LTBP1: variants seen among roughly 807,000 people sequenced by gnomAD.
The protein encoded by LTBP1 is latent transforming growth factor beta binding protein 1.
LTBP1 carries 129 observed loss-of-function variants against 207.6 expected under a neutral mutation model. The ratio of observed to expected loss-of-function variants is 0.62; its 90% confidence interval spans 0.54 to 0.72. The LOEUF (loss-of-function observed/expected upper bound fraction) is 0.72. Ranked by LOEUF, LTBP1 falls within the 30% of genes least tolerant of loss-of-function variation. The pLI is 0.00. For synonymous variants in LTBP1, 963 were observed against 833.7 expected (o/e 1.16, Z -2.67); for missense variants, 2,281 against 2,217.2 (o/e 1.03, Z -0.58).
Position 33,263,361 on chromosome 2 carries a change from C to T in LTBP1, c.2586C>T (p.Ala862=), listed in dbSNP as rs761544329. ...CTCCTGAAGCTTCTACGTCTAGTGC[C>T]AGCCAAGTGATTGCTCCTACTCAAG... is the stretch of plus-strand genomic sequence containing the variant. ...EVAPEASTSS[A]SQVIAPTQVT... is the part of the protein sequence containing the mutation. Residue 862 remains alanine (A), a synonymous_variant, in exon 15 of 34, where the codon GCC becomes GCT. Coordinates refer to ENST00000404816, the MANE Select transcript of LTBP1 (RefSeq NM_206943.4). 1.2e-6 allele frequency: 2 copies of T among 1,613,876 alleles called. No homozygotes were observed. Among genetic ancestry groups the T allele is most frequent in the Non-Finnish European group, 1.7e-6 (2 of 1,179,904 alleles).
At chr2:33,066,797 T>C (rs2077531263) in intron 3 of LTBP1, among the ~76,000 whole-genome samples, 3 of 152,204 alleles carry the variant, frequency 2.0e-5, no homozygotes. Flanking sequence ...GTGACTCCTT[T>C]GTTATCCAAG....
chr2:33,021,166 C>G lies in LTBP1; in HGVS notation c.823C>G (p.Pro275Ala). Residue 275 changes from proline to alanine, a missense_variant, in exon 3 of 34, where the codon CCG becomes GCG. Transcript: ENST00000404816. ...GGCCCAGATGACCTTAACCCTCAAG[C>G]CGAAGCCTTCAGTGGGACTCCCCCA... Reference protein sequence around the residue: ...PVAQMTLTLKPKPSVGLPQQI... With the variant: ...PVAQMTLTLKAKPSVGLPQQI... 6.2e-7 allele frequency: 1 copy of G among 1,609,456 alleles called. No homozygotes were observed. Among genetic ancestry groups the G allele is most frequent in the Non-Finnish European group, 8.5e-7 (1 of 1,176,960 alleles).
At position 33,243,782 on chromosome 2, in the gene LTBP1, T is replaced by C. The variant is rs1400754821; in HGVS notation, c.1997T>C (p.Val666Ala). Reference protein sequence around the residue: ...FGPDPTFSSCVPDPPVISEEK... With the variant: ...FGPDPTFSSCAPDPPVISEEK... ...CCGGATCCTACCTTTTCAAGTTGTG[T>C]TCGTAAGTAATAATCACTTTTTATT... The change falls in exon 10 of 34, where the codon GTT becomes GCT. Residue 666 changes from valine (V) to alanine (A), a missense_variant and splice_region_variant. Around this residue, in one of 3 missense-constraint regions of LTBP1, gnomAD observed 1,671 missense variants for 1,634.8 expected, o/e 1.02. Transcript: ENST00000404816. 6.2e-7 allele frequency: 1 copy of C among 1,613,878 alleles called. No individual in the cohort carries two copies. The highest frequency in any genetic ancestry group is 1.7e-5 in the Admixed American group (1 of 59,976).
At chr2:33,298,827 T>A (rs1374059728) in intron 20 of LTBP1, among the ~76,000 whole-genome samples, 1 of 152,156 alleles carries the variant, frequency 6.6e-6, no homozygotes, top group Non-Finnish European at 1.5e-5. Context: ...AAGAAACAAA[T>A]TTTTGAACTC....
At chr2:33,103,128 C>T (rs755090939) in intron 3 of LTBP1, among the ~76,000 whole-genome samples, 13 of 151,336 alleles carry the variant, frequency 8.6e-5, no homozygotes, top group African/African-American at 1.2e-4. Context: ...TGTGCACTGT[C>T]TGTATGCACA....
At chr2:33,110,287 A>G (rs984421660) in intron 3 of LTBP1, among the ~76,000 whole-genome samples, 2 of 152,172 alleles carry the variant, frequency 1.3e-5, no homozygotes, top group African/African-American at 4.8e-5. Context: ...GTGAAGGCTT[A>G]TGGCAGTTGT....
rs2093808279 is a variant in LTBP1, at chr2:33,293,159, G to A, written c.3113-1G>A. The A allele has an allele frequency of 6.2e-7, 1 of 1,610,564 alleles. No individual in the cohort carries two copies. Among genetic ancestry groups the A allele is most frequent in the African/African-American group, 1.3e-5 (1 of 74,590 alleles). On this transcript the variant is annotated splice_acceptor_variant, in intron 19 of 33. Transcript: ENST00000404816. LOFTEE classifies it high-confidence loss of function. ...CTTTCCATTACGCAACATTCTTCAA[G>A]ATGTGGACGAGTGCCTGGAACCAAA...
intron 7 of LTBP1, among the ~76,000 whole-genome samples, chr2:33,196,147 A>G (rs1295380636): frequency 3.9e-5 from 6 of 152,140 alleles, no homozygotes. Flanking sequence ...ACTTTATTGC[A>G]GTGGTCAGGA....
chr2:33,028,573 A>G (rs559743425), intron 3 of LTBP1, among the ~76,000 whole-genome samples: 1 of 152,284 alleles, frequency 6.6e-6, no homozygotes, highest in East Asian at 1.9e-4. Context: ...CAGGAAACCA[A>G]TTCAAAAAGT....
chr2:33,069,529 G>A (rs2077682088), intron 3 of LTBP1, among the ~76,000 whole-genome samples: 1 of 152,158 alleles, frequency 6.6e-6, no homozygotes, highest in African/African-American at 2.4e-5. Flanking sequence ...GTGAACAGAG[G>A]GCAGGTCAAT....
chr2:33,082,432 CTTTTTTTTTTTTTTTTT>C (rs56058653), intron 3 of LTBP1, among the ~76,000 whole-genome samples: 21 of 29,360 alleles, frequency 7.2e-4, no homozygotes, highest in African/African-American at 2.1e-3. Context: ...GTATGACTCA[CTTTTTTTTTTTTTTTTT>C]TTTTTTTTTT....
chr2:33,073,584 T>G (rs932043421), intron 3 of LTBP1, among the ~76,000 whole-genome samples: 11 of 152,162 alleles, frequency 7.2e-5, no homozygotes, highest in Admixed American at 4.6e-4. Flanking sequence ...ATAATTAAAT[T>G]TTATTCAGTC....
chr2:33,352,385 C>T (rs945003952), intron 26 of LTBP1, among the ~76,000 whole-genome samples: 2 of 152,178 alleles, frequency 1.3e-5, no homozygotes, highest in Non-Finnish European at 2.9e-5. Context: ...CTGCCTCGGC[C>T]TTCCAAAGTG....
At chr2:33,272,548 C>G (rs1426870523) in intron 15 of LTBP1, among the ~76,000 whole-genome samples, 2 of 152,222 alleles carry the variant, frequency 1.3e-5, no homozygotes, top group African/African-American at 4.8e-5. Flanking sequence ...TTATTGAGCA[C>G]ATATAATATG....
chr2:33,374,665 G>C (rs2095114338), intron 31 of LTBP1, among the ~76,000 whole-genome samples: 3 of 152,152 alleles, frequency 2.0e-5, no homozygotes, highest in Non-Finnish European at 2.9e-5. Context: ...CTCATTGAAA[G>C]GACTCTTGGC....
At chr2:33,229,639 A>C (rs921829320) in intron 9 of LTBP1, among the ~76,000 whole-genome samples, 1 of 152,210 alleles carries the variant, frequency 6.6e-6, no homozygotes, top group African/African-American at 2.4e-5. Context: ...CTTGCTATCT[A>C]TTTTGTATGT....
intron 5 of LTBP1, among the ~76,000 whole-genome samples, chr2:33,137,337 T>C (rs536519763): frequency 3.3e-5 from 5 of 152,370 alleles, no homozygotes; most frequent in African/African-American, 1.2e-4. Flanking sequence ...CAAAATTTAC[T>C]GTCACTTGTC....
Position 33,035,096 on chromosome 2 carries a change from G to A in LTBP1, c.863+13890G>A, listed in dbSNP as rs566711636. On this transcript the variant is annotated intron_variant, in intron 3 of 33. Transcript: ENST00000404816. ...CCGTAGCCGACCCTTGGTTCCCCTT[G>A]TTGCCGATGGATAGGAATTAATTCA... 3.3e-4 allele frequency among the ~76,000 whole-genome samples: 51 copies of A among 152,256 alleles called. 1 individual carries two copies. The East Asian group carries it at 5.6e-3, about 17-fold the overall frequency.
intron 5 of LTBP1, among the ~76,000 whole-genome samples, chr2:33,147,826 G>C (rs753866454): frequency 6.6e-6 from 1 of 152,188 alleles, no homozygotes; most frequent in Non-Finnish European, 1.5e-5. Context: ...TTTTTCAGGG[G>C]ATGGTGAGAA....
Sources: allele counts gnomAD v4.1 joint callset (sites outside exome capture counted in the v4.1 genomes callset), GRCh38; gene constraint gnomAD v4.1.1; regional missense constraint gnomAD v4.1.1; transcripts MANE v1.5; gene names NCBI Gene and HGNC (gene_info 2026-07-23, HGNC 2026-07-21).